R3HDM2: variants seen among roughly 807,000 people sequenced by gnomAD.
R3HDM2 encodes R3H domain-containing protein 2.
In R3HDM2, 38 loss-of-function variants were observed where a neutral mutation model predicts 124.5. The observed-to-expected ratio is 0.31, with a 90% CI of 0.24 to 0.40. R3HDM2 has a LOEUF of 0.40. Ranked by LOEUF, R3HDM2 falls within the 10% of genes least tolerant of loss-of-function variation. The pLI is 1.00. For synonymous variants in R3HDM2, 391 were observed against 448.0 expected (o/e 0.87, Z 1.61); for missense variants, 869 against 1,236.9 (o/e 0.70, Z 4.46).
chr12:57,392,313 G>A (rs771268536), intron 2 of R3HDM2, among the ~76,000 whole-genome samples: 4 of 152,230 alleles, frequency 2.6e-5, no homozygotes, highest in Non-Finnish European at 5.9e-5. Flanking sequence ...TCCATGGACA[G>A]TAAGGCGATG....
At chr12:57,414,284 G>C (rs1308588540) in intron 1 of R3HDM2, among the ~76,000 whole-genome samples, 2 of 148,434 alleles carry the variant, frequency 1.3e-5, no homozygotes, top group Admixed American at 1.3e-4. Context: ...TCAGAACTTC[G>C]AGACCAGCCT....
intron 2 of R3HDM2, among the ~76,000 whole-genome samples, chr12:57,368,813 T>G (rs1256680813): frequency 6.6e-6 from 1 of 152,126 alleles, no homozygotes; most frequent in African/African-American, 2.4e-5. Flanking sequence ...CTTTAGTGAG[T>G]TCTGTGAGTC....
chr12:57,298,716 C>T (rs1326688398), intron 6 of R3HDM2, among the ~76,000 whole-genome samples: 1 of 149,260 alleles, frequency 6.7e-6, no homozygotes, highest in Non-Finnish European at 1.5e-5. Flanking sequence ...AATCCCAGCA[C>T]TTTGGGAGGT....
rs2050797538 is a variant in R3HDM2, at chr12:57,300,151, G to C, written c.238C>G (p.Leu80Val). The C allele has an allele frequency of 6.4e-7, 1 of 1,551,526 alleles. No homozygotes were observed. The highest frequency in any genetic ancestry group is 2.0e-5 in the Admixed American group (1 of 50,992). Residue 80 changes from leucine to valine, a missense_variant, in exon 5 of 24, where the codon CTG becomes GTG. By Grantham distance (32) the Leu-to-Val change is conservative. Around this residue, in one of 2 missense-constraint regions of R3HDM2, gnomAD observed 267 missense variants for 447.7 expected, o/e 0.60. Transcript: ENST00000402412. ...SNSKLKLVRS[L>V]AVCEESSTPF... Reference sequence around the variant, plus strand: ...GTGGAGGACTCCTCACACACTGCCAGGCTACGCACCAACTTTAGCTTGGAA... The same window carrying C: ...GTGGAGGACTCCTCACACACTGCCACGCTACGCACCAACTTTAGCTTGGAA...
chr12:57,306,851 C>A (rs1204860942), intron 3 of R3HDM2, among the ~76,000 whole-genome samples: 5 of 152,074 alleles, frequency 3.3e-5, no homozygotes, highest in African/African-American at 1.2e-4. Flanking sequence ...CCTGCCTCTA[C>A]TAAAAATACA....
rs539067796 is a variant in R3HDM2, at chr12:57,268,997, G to A, written c.1800C>T (p.Leu600=). The change falls in exon 17 of 24, where the codon CTC becomes CTT. Residue 600 remains leucine, a synonymous_variant. Transcript: ENST00000402412. Reference sequence around the variant, plus strand: ...CCCCCATGCTGCTCCTCTGGCTGCTGAGCAGGCCCTGGTTCTGTGGCTGCT... The same window carrying A: ...CCCCCATGCTGCTCCTCTGGCTGCTAAGCAGGCCCTGGTTCTGTGGCTGCT... ...GVQQPQNQGL[L]SSQRSSMGGQ... 31 of 1,614,210 alleles carry A rather than the reference G, an allele frequency of 1.9e-5. No homozygotes were observed. The South Asian group carries it at 2.6e-4, about 14-fold the overall frequency.
intron 22 of R3HDM2, 22 bp from the exon 23 acceptor site, chr12:57,256,096 T>C (rs770098421): frequency 6.3e-7 from 1 of 1,599,002 alleles, no homozygotes; most frequent in African/African-American, 1.3e-5. Context: ...GAAAGACGAC[T>C]CTCATCCCAT....
chr12:57,420,540 T>A (rs1400471873), intron 1 of R3HDM2, among the ~76,000 whole-genome samples: 3 of 149,982 alleles, frequency 2.0e-5, no homozygotes, highest in East Asian at 3.9e-4. Context: ...TTTTTTTTAA[T>A]AGAGATGAGG....
intron 1 of R3HDM2, among the ~76,000 whole-genome samples, chr12:57,425,997 G>A (rs2070705764): frequency 6.6e-6 from 1 of 152,186 alleles, no homozygotes; most frequent in South Asian, 2.1e-4. Context: ...GGAGGCCGAG[G>A]CGGGCAGATC....
chr12:57,321,208 T>G (rs1240692142), intron 2 of R3HDM2, among the ~76,000 whole-genome samples: 1 of 152,238 alleles, frequency 6.6e-6, no homozygotes, highest in Non-Finnish European at 1.5e-5. Context: ...TTTCCAATTT[T>G]GGGTTTTGGA....
intron 2 of R3HDM2, among the ~76,000 whole-genome samples, chr12:57,389,802 A>T (rs2066393084): frequency 6.6e-6 from 1 of 152,232 alleles, no homozygotes; most frequent in Non-Finnish European, 1.5e-5. Flanking sequence ...CATTATATCC[A>T]AAAAGAACCC....
Position 57,296,143 on chromosome 12 carries a change from C to T in R3HDM2, c.701+268G>A, listed in dbSNP as rs2049817473. Among the ~76,000 whole-genome samples the T allele has an allele frequency of 1.3e-5, 2 of 152,142 alleles. No homozygotes were observed. The highest frequency in any genetic ancestry group is 1.3e-4 in the Admixed American group (2 of 15,272). On this transcript the variant is annotated intron_variant, in intron 9 of 23. Coordinates refer to ENST00000402412, the MANE Select transcript of R3HDM2 (RefSeq NM_001394031.1). The surrounding 1 kb of genome is among the most constrained non-coding windows in gnomAD (Gnocchi z 4.5). Reference sequence around the variant, plus strand: ...TCGGCCTCCCAAAGTGCTGGGATTACAGGCGTCAGCCACTGCGCCCGGCCA... The same window carrying T: ...TCGGCCTCCCAAAGTGCTGGGATTATAGGCGTCAGCCACTGCGCCCGGCCA...
chr12:57,260,263 C>CAAAAAAAAAAAAAAAAAAAAAAAAAAAAA lies in R3HDM2; in HGVS notation c.2132-1205_2132-1204insTTTTTTTTTTTTTTTTTTTTTTTTTTTTT. On this transcript the variant is annotated intron_variant, in intron 19 of 23. Transcript: ENST00000402412. ...TGGGTGACAGAATGAGACCCTGCCT[C>CAAAAAAAAAAAAAAAAAAAAAAAAAAAAA]AAAAAAAAAAAAAAAAAAAAAAGCC... Among the ~76,000 whole-genome samples, 17 of 31,562 alleles carry CAAAAAAAAAAAAAAAAAAAAAAAAAAAAA rather than the reference C, an allele frequency of 5.4e-4. 4 individuals carry two copies. The highest frequency in any genetic ancestry group is 3.1e-3 in the East Asian group (2 of 638). 20.7% of individuals were successfully genotyped at this position (31,562 alleles called of 152,430 possible). A position where few individuals can be genotyped will look rare whatever the true frequency, so the allele number is the denominator to read the frequency against.
chr12:57,388,107 G>A (rs1393920438), intron 2 of R3HDM2, among the ~76,000 whole-genome samples: 4 of 152,110 alleles, frequency 2.6e-5, no homozygotes, highest in African/African-American at 9.7e-5. Flanking sequence ...TGGGATTACA[G>A]GCGCCTGCCA....
At chr12:57,362,207 T>C (rs1428039422) in intron 2 of R3HDM2, among the ~76,000 whole-genome samples, 1 of 152,184 alleles carries the variant, frequency 6.6e-6, no homozygotes, top group African/African-American at 2.4e-5. Flanking sequence ...CTGCCTCTCC[T>C]TTCCCCTCCT....
intron 14 of R3HDM2, among the ~76,000 whole-genome samples, chr12:57,271,381 T>C (rs2043546916): frequency 6.6e-6 from 1 of 152,168 alleles, no homozygotes. Context: ...CTCACTCATA[T>C]GGTGATAGGT....
At chr12:57,261,858 G>A (rs534749677) in intron 19 of R3HDM2, among the ~76,000 whole-genome samples, 1 of 151,766 alleles carries the variant, frequency 6.6e-6, no homozygotes, top group Admixed American at 6.6e-5. Context: ...GAAGTGGGAG[G>A]GGGGGTTGAA....
At chr12:57,280,658 C>A (rs1351557218) in intron 13 of R3HDM2, 128 bp from the exon 14 acceptor site, 4 of 825,184 alleles carry the variant, frequency 4.8e-6, no homozygotes, top group Non-Finnish European at 5.4e-6. Context: ...TCCCCTCCCC[C>A]ACTGTCTTTT....
chr12:57,342,486 G>GCA (rs1174009443), intron 2 of R3HDM2, among the ~76,000 whole-genome samples: 2 of 111,240 alleles, frequency 1.8e-5, no homozygotes, highest in Non-Finnish European at 4.2e-5. Context: ...ACAGACACAG[G>GCA]CACACACAGA....
Sources: gnomAD v4.1 joint callset for allele counts (sites outside exome capture counted in the v4.1 genomes callset) on GRCh38, gnomAD v4.1.1 for gene constraint, gnomAD v4.1.1 regional missense constraint, Gnocchi (gnomAD v3.1) non-coding constraint, MANE v1.5 for transcripts, NCBI Gene and HGNC (gene_info 2026-07-23, HGNC 2026-07-21) for gene names.